The following PRDM4 variants were observed in gnomAD, a reference collection of about 807,000 sequenced individuals.
PRDM4 encodes PR/SET domain 4, also known as PR domain zinc finger protein 4.
Under a neutral mutation model 62.3 loss-of-function variants are expected in PRDM4, and 38 were observed. The observed-to-expected ratio is 0.61, with a 90% CI of 0.47 to 0.80. The LOEUF is 0.80. Ranked by LOEUF, PRDM4 falls within the 30% of genes least tolerant of loss-of-function variation. The pLI is 0.00. For missense variants in PRDM4, 858 were observed against 997.1 expected, an observed-to-expected ratio of 0.86 and a Z score of 1.88; for synonymous variants, 339 against 348.2, an observed-to-expected ratio of 0.97 and a Z score of 0.30.
At chr12:107,760,398 C>G (rs1891202754) in intron 2 of PRDM4, 107 bp downstream of exon 2, 2 of 1,444,716 alleles carry the variant, frequency 1.4e-6, no homozygotes, top group African/African-American at 1.4e-5. Flanking sequence ...GCAAATCACA[C>G]CTGTAACCTT....
At position 107,760,731 on chromosome 12, in the gene PRDM4, G is replaced by C; in HGVS notation, c.-216C>G. ...GTTGGGGCATCTCGGGGAACACCTG[G>C]GGCCTTCCGTCCAGAAGCTTCGGGA... On this transcript the variant is annotated 5_prime_UTR_variant, in exon 2 of 12. Transcript: ENST00000228437. 1 of 574,406 alleles carries C rather than the reference G, an allele frequency of 1.7e-6. No individual in the cohort carries two copies. Among genetic ancestry groups the C allele is most frequent in the Non-Finnish European group, 3.1e-6 (1 of 325,906 alleles). 35.6% of individuals were successfully genotyped at this position (574,406 alleles called of 1,614,324 possible).
At position 107,734,281 on chromosome 12, in the gene PRDM4, CAG is replaced by C. The variant is rs764476667; in HGVS notation, c.2333_2334del (p.Ser778CysfsTer7). On this transcript the variant is annotated frameshift_variant, in exon 12 of 12. Coordinates refer to ENST00000228437, the MANE Select transcript of PRDM4 (RefSeq NM_012406.4). LOFTEE classifies it high-confidence loss of function. ...DDSEEEDLAD[S>X]VGTEDCRINS... ...TTAATCCTACAGTCTTCTGTCCCCA[CAG>C]AGTCTGCTAGATCTTCCTCTTCTGA... 467 of 1,614,216 alleles carry C rather than the reference CAG, an allele frequency of 2.9e-4. No individual in the cohort carries two copies. The highest frequency in any genetic ancestry group is 2.8e-4 in the Non-Finnish European group (335 of 1,180,024).
intron 11 of PRDM4, chr12:107,736,587 T>C (rs1890335638): frequency 6.6e-6 from 1 of 152,190 alleles, no homozygotes; most frequent in Admixed American, 6.5e-5. Context: ...TAAAAAGCTT[T>C]TAACACAAAT....
intron 11 of PRDM4, among the ~76,000 whole-genome samples, chr12:107,735,560 C>T (rs1890299827): frequency 6.6e-6 from 1 of 151,756 alleles, no homozygotes; most frequent in South Asian, 2.1e-4. Context: ...GATTGTTATA[C>T]TGGGGAGGGG....
At chr12:107,739,179 C>A in intron 11 of PRDM4, 6 of 491,420 alleles carry the variant, frequency 1.2e-5, no homozygotes, top group South Asian at 1.1e-4. Context: ...AAAAGAAAGC[C>A]AACAACTGAA....
chr12:107,750,933 C>T (rs1468879), intron 5 of PRDM4, among the ~76,000 whole-genome samples: 96,880 of 152,042 alleles, frequency 0.64, 31,147 homozygotes, highest in East Asian at 0.7. Flanking sequence ...TTGCCCAGGC[C>T]GGAGTGCAGT....
rs771184863 is a variant in PRDM4 at position 107,751,973 on chromosome 12, T to G, written c.568A>C (p.Thr190Pro). Residue 190 changes from threonine to proline, a missense_variant, in exon 5 of 12, where the codon ACA becomes CCA. Thr to Pro is a conservative substitution (Grantham distance 38). Around this residue, in one of 3 missense-constraint regions of PRDM4, gnomAD observed 499 missense variants for 546.7 expected, o/e 0.91. Transcript: ENST00000228437. ...GAAACGTTCTCCATAGTGATTGCTG[T>G]GTCCAAGGCCACCTCATGGCCATCA... ...PSDGHEVALDTAITMENVSRV... is the reference protein window; with the variant it reads ...PSDGHEVALDPAITMENVSRV... 1 of 1,614,138 alleles carries G rather than the reference T, an allele frequency of 6.2e-7. No individual in the cohort carries two copies. The highest frequency in any genetic ancestry group is 1.3e-5 in the African/African-American group (1 of 74,948).
intron 3 of PRDM4, among the ~76,000 whole-genome samples, chr12:107,754,502 C>T (rs553344206): frequency 1.7e-4 from 26 of 152,218 alleles, no homozygotes; most frequent in African/African-American, 5.5e-4. Context: ...CCTACCTCAG[C>T]CTCCTGAGTA....
At chr12:107,740,494 AAT>A (rs1890483479) in intron 10 of PRDM4, among the ~76,000 whole-genome samples, 2 of 151,028 alleles carry the variant, frequency 1.3e-5, no homozygotes, top group Non-Finnish European at 2.9e-5. Context: ...CTCAAAAAAA[AAT>A]TTTTTTTTTT....
chr12:107,750,337 G>A (rs1890849249), intron 5 of PRDM4, among the ~76,000 whole-genome samples: 1 of 152,196 alleles, frequency 6.6e-6, no homozygotes, highest in Non-Finnish European at 1.5e-5. Context: ...CTTGAGTCGA[G>A]TTCAAGACCA....
intron 4 of PRDM4, 53 bp downstream of exon 4, chr12:107,753,871 A>G: frequency 6.6e-7 from 1 of 1,519,244 alleles, no homozygotes; most frequent in Non-Finnish European, 8.9e-7. Context: ...ATAAAAGTTT[A>G]AAAGCTGGCG....
chr12:107,746,258 A>C lies in PRDM4; in HGVS notation c.1276+17T>G. ...AAGAAGAGATGTAATAGTGTTTTAC[A>C]GTTCCAAGGTTCTTACCAACTTCTG... is the stretch of plus-strand genomic sequence containing the variant. On this transcript the variant is annotated intron_variant, in intron 6 of 11. Coordinates refer to ENST00000228437, the MANE Select transcript of PRDM4 (RefSeq NM_012406.4). 6.2e-7 allele frequency: 1 copy of C among 1,612,756 alleles called. No homozygotes were observed. Among genetic ancestry groups the C allele is most frequent in the Non-Finnish European group, 8.5e-7 (1 of 1,179,214 alleles).
intron 5 of PRDM4, among the ~76,000 whole-genome samples, chr12:107,748,750 A>AGTG (rs376743762): frequency 3.3e-4 from 51 of 152,278 alleles, no homozygotes; most frequent in African/African-American, 1.1e-3. Flanking sequence ...GGAAGGAGAC[A>AGTG]GTGGTGGTGG....
intron 5 of PRDM4, among the ~76,000 whole-genome samples, chr12:107,746,893 T>C (rs1421759153): frequency 6.6e-6 from 1 of 152,230 alleles, no homozygotes; most frequent in Non-Finnish European, 1.5e-5. Context: ...CATATATACC[T>C]ACTCTTACAC....
chr12:107,752,930 A>C (rs896397238), intron 4 of PRDM4, among the ~76,000 whole-genome samples: 1 of 152,242 alleles, frequency 6.6e-6, no homozygotes, highest in South Asian at 2.1e-4. Context: ...CAATAAAGAT[A>C]ATAAACCATC....
In PRDM4 at chr12:107,739,649, GA is replaced by G. The variant is rs1401608437; in HGVS notation, c.1925-99del. The G allele has an allele frequency of 2.2e-5, 27 of 1,248,668 alleles. No individual in the cohort carries two copies. In the Middle Eastern group the frequency reaches 8.5e-4, roughly 39 times the overall value. The allele number at this position is 1,248,668 out of a possible 1,614,324, so 77.3% of individuals were successfully genotyped here. On this transcript the variant is annotated intron_variant, in intron 10 of 11. Coordinates refer to ENST00000228437, the MANE Select transcript of PRDM4 (RefSeq NM_012406.4). ...ATGTGCATGCAGCAGAGGCAGGAAT[GA>G]AACAGAGCTGACTGGTAAGCAGCAT...
At chr12:107,742,435 A>C in intron 8 of PRDM4, 87 bp from the exon 9 acceptor site, 1 of 1,431,808 alleles carries the variant, frequency 7.0e-7, no homozygotes, top group South Asian at 1.2e-5. Flanking sequence ...ATCCTATATG[A>C]AAGCTTAGGC....
intron 5 of PRDM4, among the ~76,000 whole-genome samples, chr12:107,748,880 GA>G (rs892519658): frequency 7.9e-5 from 12 of 152,178 alleles, no homozygotes; most frequent in African/African-American, 2.9e-4. Context: ...GCCCTCTTAA[GA>G]AAAAAATCAA....
rs748541000 is a variant in PRDM4, at chr12:107,739,406, C to T, written c.2070G>A (p.Lys690=). ...DKLFMRRQDL[K]QHVLIHTQER... is the part of the protein sequence containing the mutation. ...ACTGAGTGTGGATGAGCACGTGCTG[C>T]TTGAGGTCCTGCCTCCGCATAAACA... The change falls in exon 11 of 12, where the codon AAG becomes AAA. Residue 690 remains lysine (K), a synonymous_variant. Transcript: ENST00000228437. 6.2e-7 allele frequency: 1 copy of T among 1,613,654 alleles called. No individual in the cohort carries two copies. Among genetic ancestry groups the T allele is most frequent in the Non-Finnish European group, 8.5e-7 (1 of 1,179,762 alleles).
Sources: gnomAD v4.1 joint callset for allele counts (sites outside exome capture counted in the v4.1 genomes callset) on GRCh38, gnomAD v4.1.1 for gene constraint, gnomAD v4.1.1 regional missense constraint, MANE v1.5 for transcripts, NCBI Gene and HGNC (gene_info 2026-07-23, HGNC 2026-07-21) for gene names.